RAPGEF4: variants seen among roughly 807,000 people sequenced by gnomAD.
RAPGEF4 encodes RAP guanine-nucleotide-exchange factor (GEF) 4.
A neutral mutation model predicts 147.9 loss-of-function variants in RAPGEF4; 66 were observed. That is an observed-to-expected ratio of 0.45 (90% CI 0.37 to 0.55). The LOEUF is 0.55. Among genes scored for constraint, RAPGEF4 ranks in the 20% least tolerant of loss-of-function variants. RAPGEF4 has a pLI of 0.00. For missense variants in RAPGEF4, 1,071 were observed against 1,257.3 expected (o/e 0.85, Z 2.24); for synonymous variants, 419 against 442.7 (o/e 0.95, Z 0.67).
At chr2:172,871,496 A>G (rs1695230943) in intron 4 of RAPGEF4, among the ~76,000 whole-genome samples, 1 of 152,078 alleles carries the variant, frequency 6.6e-6, no homozygotes, top group Non-Finnish European at 1.5e-5. Flanking sequence ...CCTCTGACAC[A>G]TTTTATATCG....
intron 1 of RAPGEF4, chr2:172,744,245 T>C (rs971285973): frequency 3.5e-5 from 10 of 285,178 alleles, no homozygotes; most frequent in African/African-American, 2.0e-4. Flanking sequence ...CTGTTTCCAG[T>C]CTGGAAAACA....
chr2:172,995,850 A>T (rs1693301341), intron 15 of RAPGEF4, among the ~76,000 whole-genome samples: 1 of 152,246 alleles, frequency 6.6e-6, no homozygotes, highest in Admixed American at 6.5e-5. Context: ...GAAATAAATT[A>T]TAAGGATTTT....
chr2:172,877,071 C>T (rs2676528), intron 4 of RAPGEF4, among the ~76,000 whole-genome samples: 151,397 of 152,304 alleles, frequency 0.99, 75,251 homozygotes, highest in Middle Eastern at 1. Context: ...CCCTTTATCA[C>T]TTTTGCAGCA....
intron 4 of RAPGEF4, among the ~76,000 whole-genome samples, chr2:172,841,486 G>A (rs2098822): frequency 0.018 from 2,792 of 152,194 alleles, 36 homozygotes; most frequent in Non-Finnish European, 0.029. Flanking sequence ...CAAACAGATT[G>A]AGACAATGCA....
chr2:172,931,173 G>A lies in RAPGEF4; in HGVS notation c.537+8873G>A, dbSNP rs1166299824. Among the ~76,000 whole-genome samples the A allele has an allele frequency of 4.7e-3, 32 of 6,778 alleles. 1 individual carries two copies. The highest frequency in any genetic ancestry group is 0.012 in the Non-Finnish European group (26 of 2,202). 4.4% of individuals were successfully genotyped at this position (6,778 alleles called of 152,430 possible). On this transcript the variant is annotated intron_variant, in intron 6 of 30. Transcript: ENST00000397081. ...TAGTAAGATCAAGCCAGGCCGGGGTGGGGGGGGGGGGCGCTGGGGGGCGGG... is the reference window on the plus strand; with the variant it reads ...TAGTAAGATCAAGCCAGGCCGGGGTAGGGGGGGGGGGCGCTGGGGGGCGGG...
chr2:172,918,091 G>A (rs1007855944), intron 5 of RAPGEF4: 2 of 711,530 alleles, frequency 2.8e-6, no homozygotes, highest in East Asian at 2.6e-5. Flanking sequence ...GGTATGCTCT[G>A]GTGCCAGCTG....
chr2:172,767,736 A>G (rs1247135715), intron 1 of RAPGEF4, among the ~76,000 whole-genome samples: 1 of 152,220 alleles, frequency 6.6e-6, no homozygotes, highest in Non-Finnish European at 1.5e-5. Context: ...GTACCTCCAA[A>G]TAACTGTCTG....
intron 3 of RAPGEF4, among the ~76,000 whole-genome samples, chr2:172,808,165 T>G (rs1449132861): frequency 6.6e-6 from 1 of 152,230 alleles, no homozygotes; most frequent in African/African-American, 2.4e-5. Flanking sequence ...TTGGCTTTCT[T>G]AACACCATTC....
rs545996476 is a variant in RAPGEF4, at chr2:173,027,817, A to C, written c.2558+558A>C. 3.9e-5 allele frequency among the ~76,000 whole-genome samples: 6 copies of C among 152,346 alleles called. No individual in the cohort carries two copies. In the South Asian group the frequency reaches 1.2e-3, roughly 32 times the overall value. ...CTTCATGGGAAACAATTTTTTTACT[A>C]CAGGGGCCAGTTAGAGTTCTCCCTG... On this transcript the variant is annotated intron_variant, in intron 25 of 30. Transcript: ENST00000397081.
chr2:173,031,000 C>T (rs1394937625), intron 26 of RAPGEF4, among the ~76,000 whole-genome samples: 3 of 152,136 alleles, frequency 2.0e-5, no homozygotes, highest in African/African-American at 2.4e-5. Context: ...GAAATAGACT[C>T]ATGCTAAAAA....
chr2:173,020,595 T>C, intron 22 of RAPGEF4, 23 bp from the exon 23 acceptor site: 6 of 1,585,002 alleles, frequency 3.8e-6, no homozygotes, highest in Non-Finnish European at 5.2e-6. Flanking sequence ...TAATAGGCAA[T>C]CTCATGCTTT....
chr2:172,969,476 T>C (rs758357118), intron 10 of RAPGEF4, among the ~76,000 whole-genome samples: 5 of 152,334 alleles, frequency 3.3e-5, no homozygotes, highest in South Asian at 2.1e-4. Flanking sequence ...TCCCTAGCTC[T>C]GTGCATTACA....
At chr2:172,947,211 T>G (rs1687763247) in intron 6 of RAPGEF4, among the ~76,000 whole-genome samples, 1 of 152,214 alleles carries the variant, frequency 6.6e-6, no homozygotes. Flanking sequence ...CATTAATATT[T>G]TATTCCATGA....
intron 17 of RAPGEF4, among the ~76,000 whole-genome samples, chr2:173,011,797 T>C (rs1435717729): frequency 6.6e-6 from 1 of 151,404 alleles, no homozygotes; most frequent in East Asian, 2.0e-4. Flanking sequence ...AAAAGCATAT[T>C]AATTCATTTG....
chr2:172,971,427 A>G (rs944989683), intron 10 of RAPGEF4, among the ~76,000 whole-genome samples: 4 of 152,222 alleles, frequency 2.6e-5, no homozygotes, highest in African/African-American at 9.6e-5. Flanking sequence ...GTTGAGAAAG[A>G]GAAAAGTCAT....
At chr2:172,983,673 G>A (rs192899333) in intron 11 of RAPGEF4, 93 bp downstream of exon 11, 4 of 1,509,292 alleles carry the variant, frequency 2.7e-6, no homozygotes, top group Non-Finnish European at 3.5e-6. Flanking sequence ...TGGGGGGAAA[G>A]AATGTCTGAT....
rs1392498295 is a variant in RAPGEF4 at position 173,030,034 on chromosome 2, A to G, written c.2559-130A>G. Reference sequence around the variant, plus strand: ...CAAGTGGAACTTTTACAGTACATTAAATCTATCATTGCCTGTTCTCATAAA... The same window carrying G: ...CAAGTGGAACTTTTACAGTACATTAGATCTATCATTGCCTGTTCTCATAAA... On this transcript the variant is annotated intron_variant, in intron 25 of 30. Coordinates refer to ENST00000397081, the MANE Select transcript of RAPGEF4 (RefSeq NM_007023.4). 4.9e-6 allele frequency: 3 copies of G among 612,690 alleles called. No individual in the cohort carries two copies. In the East Asian group the frequency reaches 8.9e-5, roughly 18 times the overall value. The allele number at this position is 612,690 out of a possible 1,614,324, so 38.0% of individuals were successfully genotyped here.
intron 2 of RAPGEF4, among the ~76,000 whole-genome samples, chr2:172,796,214 G>A (rs906060066): frequency 6.6e-6 from 1 of 152,134 alleles, no homozygotes; most frequent in Admixed American, 6.6e-5. Flanking sequence ...GGGTGGGAAA[G>A]CAACAGGGTG....
intron 26 of RAPGEF4, among the ~76,000 whole-genome samples, chr2:173,033,214 A>T (rs1697360417): frequency 6.6e-6 from 1 of 152,192 alleles, no homozygotes; most frequent in African/African-American, 2.4e-5. Flanking sequence ...ATAAATGCTC[A>T]TGTAGAAAAG....
Sources: allele counts gnomAD v4.1 joint callset (sites outside exome capture counted in the v4.1 genomes callset), GRCh38; gene constraint gnomAD v4.1.1; transcripts MANE v1.5; gene names NCBI Gene and HGNC (gene_info 2026-07-23, HGNC 2026-07-21).